Variants in DPP10 observed in about 807,000 individuals in gnomAD.
The protein encoded by DPP10 is inactive dipeptidyl peptidase 10.
A neutral mutation model predicts 120.9 loss-of-function variants in DPP10; 33 were observed. The observed-to-expected ratio is 0.27, with a 90% CI of 0.21 to 0.37. The LOEUF is 0.37. DPP10 is among the 10% of genes least tolerant of loss of function. The probability of loss-of-function intolerance (pLI) is 1.00; values close to 1 mark genes in which losing one functional copy is unlikely to be tolerated. For synonymous variants in DPP10, 337 were observed against 326.1 expected (o/e 1.03, Z -0.36); for missense variants, 816 against 942.8 (o/e 0.87, Z 1.76).
chr2:114,541,611 T>C (rs1477593890), intron 1 of DPP10, among the ~76,000 whole-genome samples: 1 of 152,196 alleles, frequency 6.6e-6, no homozygotes, highest in African/African-American at 2.4e-5. Context: ...TTGTCATTTA[T>C]AATAGAAAAA....
At chr2:115,415,912 G>A (rs1339036270) in intron 3 of DPP10, among the ~76,000 whole-genome samples, 2 of 125,756 alleles carry the variant, frequency 1.6e-5, no homozygotes, top group African/African-American at 5.9e-5. Flanking sequence ...TATTTTAATG[G>A]GCAAAATATT....
intron 5 of DPP10, among the ~76,000 whole-genome samples, chr2:115,623,068 A>C (rs1473827175): frequency 1.3e-5 from 2 of 151,916 alleles, no homozygotes; most frequent in Non-Finnish European, 2.9e-5. Flanking sequence ...GATGGTCTCG[A>C]TCTCCTGACC....
chr2:114,577,061 GAGAC>G (rs1284667872), intron 1 of DPP10, among the ~76,000 whole-genome samples: 6 of 152,160 alleles, frequency 3.9e-5, no homozygotes, highest in African/African-American at 1.4e-4. Flanking sequence ...CAAGAGGAAA[GAGAC>G]AGAGAACAAC....
At chr2:114,766,773 A>T (rs904777507) in intron 1 of DPP10, among the ~76,000 whole-genome samples, 5 of 152,256 alleles carry the variant, frequency 3.3e-5, no homozygotes, top group Admixed American at 3.3e-4. Context: ...AATAGTTGCC[A>T]GGGGGGCAGA....
intron 5 of DPP10, among the ~76,000 whole-genome samples, chr2:115,638,226 A>G (rs1313891573): frequency 6.6e-6 from 1 of 152,182 alleles, no homozygotes; most frequent in Non-Finnish European, 1.5e-5. Context: ...GTCAAAATTT[A>G]CTTAGAATTC....
At chr2:115,641,347 C>T (rs1164432681) in intron 5 of DPP10, among the ~76,000 whole-genome samples, 1 of 152,260 alleles carries the variant, frequency 6.6e-6, no homozygotes, top group African/African-American at 2.4e-5. Flanking sequence ...CCTGTTTTCC[C>T]AGTGTCATCT....
intron 1 of DPP10, among the ~76,000 whole-genome samples, chr2:114,535,075 G>T (rs368269549): frequency 1.4e-4 from 16 of 118,518 alleles, no homozygotes; most frequent in Admixed American, 5.9e-4. Flanking sequence ...CTTCCCATTT[G>T]CAAGAGTTTG....
At chr2:114,591,552 C>CAATTTTTTTT (rs1558912794) in intron 1 of DPP10, among the ~76,000 whole-genome samples, 2 of 128,512 alleles carry the variant, frequency 1.6e-5, no homozygotes, top group African/African-American at 6.5e-5. Context: ...CAACCTCTTC[C>CAATTTTTTTT]TATTTTTTTT....
At chr2:115,466,816 T>C (rs1306249306) in intron 3 of DPP10, among the ~76,000 whole-genome samples, 1 of 152,154 alleles carries the variant, frequency 6.6e-6, no homozygotes, top group East Asian at 1.9e-4. Flanking sequence ...TTAGGTTTGT[T>C]TACTCACAGG....
intron 1 of DPP10, among the ~76,000 whole-genome samples, chr2:115,113,714 G>T (rs922490917): frequency 1.3e-5 from 2 of 152,096 alleles, no homozygotes; most frequent in African/African-American, 2.4e-5. Flanking sequence ...AAACCCTTGA[G>T]ATACATATTT....
At chr2:114,454,025 G>A (rs1390990259) in intron 1 of DPP10, among the ~76,000 whole-genome samples, 1 of 152,132 alleles carries the variant, frequency 6.6e-6, no homozygotes, top group African/African-American at 2.4e-5. Context: ...AGTCATTGAT[G>A]ACCATAGCGT....
At chr2:114,700,512 T>A (rs1010862711) in intron 1 of DPP10, among the ~76,000 whole-genome samples, 1 of 152,172 alleles carries the variant, frequency 6.6e-6, no homozygotes, top group East Asian at 1.9e-4. Flanking sequence ...AGTTTCAAGA[T>A]AAATTGGTTC....
intron 1 of DPP10, among the ~76,000 whole-genome samples, chr2:114,631,569 A>AATG (rs1276099697): frequency 6.6e-6 from 1 of 152,172 alleles, no homozygotes; most frequent in East Asian, 1.9e-4. Context: ...ATGATCTGAG[A>AATG]ATGACCAGAA....
chr2:115,756,123 A>AAC (rs201933371), intron 11 of DPP10, among the ~76,000 whole-genome samples: 1 of 151,884 alleles, frequency 6.6e-6, no homozygotes, highest in Non-Finnish European at 1.5e-5. Flanking sequence ...TATCTGGGGG[A>AAC]TAAAAGAAAT....
chr2:115,021,940 C>T (rs1307485002), intron 1 of DPP10, among the ~76,000 whole-genome samples: 1 of 151,952 alleles, frequency 6.6e-6, no homozygotes, highest in Non-Finnish European at 1.5e-5. Context: ...CACAGAAAAG[C>T]GTTTGACAAA....
chr2:115,572,119 A>G (rs2081368374), intron 5 of DPP10, among the ~76,000 whole-genome samples: 1 of 152,146 alleles, frequency 6.6e-6, no homozygotes, highest in Non-Finnish European at 1.5e-5. Flanking sequence ...GTTGCCATAG[A>G]GATGTCTACA....
intron 1 of DPP10, among the ~76,000 whole-genome samples, chr2:115,088,980 C>T (rs565872627): frequency 2.0e-5 from 3 of 152,124 alleles, no homozygotes; most frequent in African/African-American, 7.2e-5. Flanking sequence ...CCTTTATTGC[C>T]ATCCCAGGTT....
chr2:115,259,692 T>A (rs1574201127), intron 1 of DPP10, among the ~76,000 whole-genome samples: 1 of 152,210 alleles, frequency 6.6e-6, no homozygotes, highest in African/African-American at 2.4e-5. Context: ...TGCTGCCCTA[T>A]GTACCTAGAC....
chr2:115,070,041 T>C (rs1046685041), intron 1 of DPP10, among the ~76,000 whole-genome samples: 1 of 152,116 alleles, frequency 6.6e-6, no homozygotes. Context: ...TAACCTGGAA[T>C]GCTAGATTTA....
Sources: allele counts gnomAD v4.1 joint callset (sites outside exome capture counted in the v4.1 genomes callset), GRCh38; gene constraint gnomAD v4.1.1; transcripts MANE v1.5; gene names NCBI Gene and HGNC (gene_info 2026-07-23, HGNC 2026-07-21).